RABGAP1: variants seen among roughly 807,000 people sequenced by gnomAD.
The protein encoded by RABGAP1 is rab GTPase-activating protein 1.
In RABGAP1, 23 loss-of-function variants were observed where a neutral mutation model predicts 137.6. The observed-to-expected ratio is 0.17, with a 90% CI of 0.12 to 0.24. The LOEUF (loss-of-function observed/expected upper bound fraction) is 0.24. Among genes scored for constraint, RABGAP1 ranks in the 10% least tolerant of loss-of-function variants. The probability of loss-of-function intolerance (pLI) is 1.00; values close to 1 mark genes in which losing one functional copy is unlikely to be tolerated. For synonymous variants in RABGAP1, 451 were observed against 450.7 expected (o/e 1.00, Z -0.01); for missense variants, 906 against 1,275.8 (o/e 0.71, Z 4.42).
intron 21 of RABGAP1, among the ~76,000 whole-genome samples, chr9:123,093,030 C>T (rs2035075157): frequency 6.6e-6 from 1 of 152,196 alleles, no homozygotes; most frequent in Admixed American, 6.5e-5. Flanking sequence ...TGAATCATCA[C>T]TGAAAATCAG....
At chr9:122,932,882 A>G in the RABGAP1 span, among the ~76,000 whole-genome samples, 1 of 152,142 alleles carries the variant, frequency 6.6e-6, no homozygotes. Context: ...ACTTTCAGAT[A>G]TTTGTGACTT....
intron 11 of RABGAP1, among the ~76,000 whole-genome samples, chr9:123,012,279 G>A (rs1473777144): frequency 6.6e-6 from 1 of 152,136 alleles, no homozygotes; most frequent in Non-Finnish European, 1.5e-5. Context: ...TCTTGATTGA[G>A]GTTTGCAGTT....
the RABGAP1 span, among the ~76,000 whole-genome samples, chr9:122,935,027 C>T: frequency 2.0e-5 from 3 of 152,134 alleles, no homozygotes; most frequent in African/African-American, 7.2e-5. Context: ...ATATCTGTCA[C>T]TTCTCTATTT....
intron 13 of RABGAP1, among the ~76,000 whole-genome samples, chr9:123,052,144 C>T (rs933168371): frequency 6.6e-6 from 1 of 152,112 alleles, no homozygotes; most frequent in East Asian, 1.9e-4. Flanking sequence ...GAAATTATAA[C>T]TCCAACTCAA....
At chr9:122,972,978 T>TTAA (rs11396562) in intron 2 of RABGAP1, among the ~76,000 whole-genome samples, 7 of 145,110 alleles carry the variant, frequency 4.8e-5, no homozygotes, top group Admixed American at 2.0e-4. Context: ...CTTTATATAT[T>TTAA]AAAAAAAAAA....
intron 11 of RABGAP1, among the ~76,000 whole-genome samples, chr9:123,011,315 G>A (rs779153299): frequency 1.3e-5 from 2 of 152,040 alleles, no homozygotes; most frequent in Non-Finnish European, 2.9e-5. Flanking sequence ...TTTTCAGTTG[G>A]GACTTTTAAG....
chr9:122,981,934 A>G (rs1200639248), intron 2 of RABGAP1, among the ~76,000 whole-genome samples: 1 of 152,078 alleles, frequency 6.6e-6, no homozygotes, highest in Non-Finnish European at 1.5e-5. Flanking sequence ...CTGTGATCCC[A>G]GCTACTTGGG....
At chr9:123,093,529 C>T (rs1184044066) in intron 21 of RABGAP1, among the ~76,000 whole-genome samples, 9 of 152,226 alleles carry the variant, frequency 5.9e-5, no homozygotes, top group Admixed American at 5.9e-4. Context: ...GTAAACTCTG[C>T]CTCAGCTCCT....
intron 1 of RABGAP1, 49 bp from the exon 2 acceptor site, chr9:122,956,962 T>C (rs1834561986): frequency 1.0e-6 from 1 of 1,001,740 alleles, no homozygotes; most frequent in South Asian, 3.7e-5. Flanking sequence ...TGTAATTGAA[T>C]ATCTGGCAGA....
At chr9:122,965,273 C>A (rs965789859) in intron 2 of RABGAP1, among the ~76,000 whole-genome samples, 1 of 152,062 alleles carries the variant, frequency 6.6e-6, no homozygotes, top group African/African-American at 2.4e-5. Context: ...TCAGAATAGG[C>A]AAATCTTTAG....
chr9:122,963,511 A>G (rs1010464428), intron 2 of RABGAP1, among the ~76,000 whole-genome samples: 1 of 152,168 alleles, frequency 6.6e-6, no homozygotes, highest in Non-Finnish European at 1.5e-5. Flanking sequence ...AAATTAAACA[A>G]CATACTCCTA....
At chr9:122,956,161 T>A (rs780760998) in intron 1 of RABGAP1, among the ~76,000 whole-genome samples, 17 of 152,192 alleles carry the variant, frequency 1.1e-4, no homozygotes, top group South Asian at 4.1e-4. Context: ...AACTGTGGTG[T>A]GGGAAGATGC....
At chr9:122,968,718 G>A (rs1168679547) in intron 2 of RABGAP1, among the ~76,000 whole-genome samples, 1 of 151,986 alleles carries the variant, frequency 6.6e-6, no homozygotes, top group Non-Finnish European at 1.5e-5. Context: ...AGGTTCAAGT[G>A]ATTCTCCTGC....
chr9:123,039,816 C>G (rs943496163), intron 13 of RABGAP1, among the ~76,000 whole-genome samples: 2 of 152,134 alleles, frequency 1.3e-5, no homozygotes. Flanking sequence ...TATAGAAAGC[C>G]TTGATGAAAG....
chr9:123,077,852 C>T (rs1031926558), intron 19 of RABGAP1, among the ~76,000 whole-genome samples: 5 of 152,034 alleles, frequency 3.3e-5, no homozygotes, highest in African/African-American at 4.8e-5. Context: ...ACTTCTCATT[C>T]TGGTTATGTG....
rs527371511 is a variant in RABGAP1, at chr9:123,007,285, G to C, written c.1375-3069G>C. Among the ~76,000 whole-genome samples the C allele has an allele frequency of 9.2e-5, 14 of 151,602 alleles. 1 individual carries two copies. Among genetic ancestry groups the C allele is most frequent in the Admixed American group, 9.2e-4 (14 of 15,234 alleles). On this transcript the variant is annotated intron_variant, in intron 10 of 25. Coordinates refer to ENST00000373647, the MANE Select transcript of RABGAP1 (RefSeq NM_012197.4). ...AGATGGGCTTTCATCATGTTGGCCA[G>C]GCTAGTCTTGAACTCCTGGCCTCAA... is the stretch of plus-strand genomic sequence containing the variant.
At chr9:123,063,382 C>G (rs2034051788) in intron 13 of RABGAP1, 1 of 152,626 alleles carries the variant, frequency 6.6e-6, no homozygotes, top group Non-Finnish European at 1.5e-5. Flanking sequence ...GAGTTTAAGT[C>G]TTTTCATGCA....
At chr9:123,080,480 G>A (rs1343697982) in intron 19 of RABGAP1, among the ~76,000 whole-genome samples, 1 of 152,190 alleles carries the variant, frequency 6.6e-6, no homozygotes, top group Non-Finnish European at 1.5e-5. Flanking sequence ...AGTTAGTGAT[G>A]ATTTGTTGTC....
rs1414009982 is a variant in RABGAP1 at position 122,984,499 on chromosome 9, A to G, written c.165A>G (p.Gly55=). ...EKTGLKIVGN[G]SEQQLQKELA... ...GTGACCCTTAGATTGTAGGGAATGG[A>G]AGTGAACAGCAGCTGCAAAAAGAGC... The change falls in exon 3 of 26, where the codon GGA becomes GGG. Residue 55 remains glycine (G), a synonymous_variant. Coordinates refer to ENST00000373647, the MANE Select transcript of RABGAP1 (RefSeq NM_012197.4). 6.2e-7 allele frequency: 1 copy of G among 1,613,930 alleles called. No individual in the cohort carries two copies. Among genetic ancestry groups the G allele is most frequent in the East Asian group, 2.2e-5 (1 of 44,866 alleles).
Sources: gnomAD v4.1 joint callset for allele counts (sites outside exome capture counted in the v4.1 genomes callset) on GRCh38, gnomAD v4.1.1 for gene constraint, MANE v1.5 for transcripts, NCBI Gene and HGNC (gene_info 2026-07-23, HGNC 2026-07-21) for gene names.